NRG3: variants seen among roughly 807,000 people sequenced by gnomAD.
The protein encoded by NRG3 is neuregulin 3.
Under a neutral mutation model 66.9 loss-of-function variants are expected in NRG3, and 31 were observed. That is an observed-to-expected ratio of 0.46 (90% CI 0.35 to 0.63). The LOEUF (loss-of-function observed/expected upper bound fraction) is 0.63, where lower values mean the gene tolerates loss of function less well. NRG3 is among the 20% of genes least tolerant of loss of function. NRG3 has a pLI of 0.00. For missense variants in NRG3, 910 were observed against 878.9 expected, an observed-to-expected ratio of 1.04 and a Z score of -0.45; for synonymous variants, 393 against 359.4, an observed-to-expected ratio of 1.09 and a Z score of -1.06.
At chr10:82,214,565 A>G (rs1386031377) in intron 1 of NRG3, among the ~76,000 whole-genome samples, 1 of 152,140 alleles carries the variant, frequency 6.6e-6, no homozygotes. Flanking sequence ...CCTGGGCCCA[A>G]GTGATCCTCA....
chr10:82,462,462 A>G lies in NRG3; in HGVS notation c.953+103594A>G, dbSNP rs113799443. 5.2e-3 allele frequency among the ~76,000 whole-genome samples: 791 copies of G among 152,340 alleles called. 4 individuals carry two copies. Among genetic ancestry groups the G allele is most frequent in the Admixed American group, 0.011 (165 of 15,304 alleles). On this transcript the variant is annotated intron_variant, in intron 2 of 8. Transcript: ENST00000372141. ...TTCTGCAATAGATGTCATGGAGCCA[A>G]TAAAGGACTTCAGGCAGGGAAATGT... is the stretch of plus-strand genomic sequence containing the variant.
intron 2 of NRG3, among the ~76,000 whole-genome samples, chr10:82,715,269 A>G (rs2056906077): frequency 6.6e-6 from 1 of 152,170 alleles, no homozygotes; most frequent in Admixed American, 6.6e-5. Flanking sequence ...GTGATGGCAC[A>G]CGCCTGTAGT....
At chr10:82,459,850 G>T (rs1309274391) in intron 2 of NRG3, among the ~76,000 whole-genome samples, 1 of 152,160 alleles carries the variant, frequency 6.6e-6, no homozygotes, top group East Asian at 1.9e-4. Flanking sequence ...GTTCCAGTCA[G>T]AATATTTTTC....
At chr10:82,858,942 C>CTT (rs534067829) in intron 3 of NRG3, among the ~76,000 whole-genome samples, 5,952 of 123,986 alleles carry the variant, frequency 0.048, 421 homozygotes, top group African/African-American at 0.14. Context: ...AGTAGTCTAA[C>CTT]TTTTTTTTTT....
chr10:82,502,733 C>T (rs897697816), intron 2 of NRG3, among the ~76,000 whole-genome samples: 1 of 152,082 alleles, frequency 6.6e-6, no homozygotes, highest in African/African-American at 2.4e-5. Context: ...CCTTAAATCA[C>T]ACTAGTATGG....
intron 1 of NRG3, among the ~76,000 whole-genome samples, chr10:82,016,081 T>C (rs1379476067): frequency 1.3e-5 from 2 of 151,664 alleles, no homozygotes; most frequent in Non-Finnish European, 2.9e-5. Context: ...CTATTGTTAC[T>C]GTCAGCAGTG....
chr10:82,316,796 A>G (rs951128570), intron 1 of NRG3, among the ~76,000 whole-genome samples: 2 of 152,146 alleles, frequency 1.3e-5, no homozygotes. Flanking sequence ...TCCTAGGCCG[A>G]GCTGTAGGTT....
intron 2 of NRG3, among the ~76,000 whole-genome samples, chr10:82,618,996 CT>C (rs1378769369): frequency 2.0e-5 from 3 of 150,348 alleles, no homozygotes; most frequent in African/African-American, 7.3e-5. Context: ...ATCATGTATA[CT>C]TAGAAAAAAA....
intron 4 of NRG3, among the ~76,000 whole-genome samples, chr10:82,866,834 T>A (rs535862354): frequency 6.6e-6 from 1 of 152,254 alleles, no homozygotes; most frequent in East Asian, 1.9e-4. Flanking sequence ...TTCAAAGCAT[T>A]CCTATGAGTG....
At chr10:82,344,114 C>A (rs1239240376) in intron 1 of NRG3, among the ~76,000 whole-genome samples, 2 of 148,914 alleles carry the variant, frequency 1.3e-5, no homozygotes, top group Non-Finnish European at 3.0e-5. Flanking sequence ...GCACATTGTG[C>A]AGGTTAGTTA....
intron 2 of NRG3, among the ~76,000 whole-genome samples, chr10:82,623,850 T>C (rs892592980): frequency 6.6e-6 from 1 of 152,120 alleles, no homozygotes; most frequent in Non-Finnish European, 1.5e-5. Context: ...CTAGTCTAGA[T>C]TATTGCATTT....
At chr10:82,536,741 T>C (rs1847849119) in intron 2 of NRG3, among the ~76,000 whole-genome samples, 1 of 152,116 alleles carries the variant, frequency 6.6e-6, no homozygotes, top group Admixed American at 6.6e-5. Flanking sequence ...TCAGAGGGGA[T>C]TCATCAGGGT....
intron 2 of NRG3, among the ~76,000 whole-genome samples, chr10:82,409,346 T>A (rs2087869774): frequency 6.6e-6 from 1 of 152,176 alleles, no homozygotes; most frequent in Non-Finnish European, 1.5e-5. Flanking sequence ...ATTTGGATAA[T>A]GCTTGTGTAT....
intron 2 of NRG3, among the ~76,000 whole-genome samples, chr10:82,398,201 A>C (rs2086839156): frequency 6.6e-6 from 1 of 152,200 alleles, no homozygotes; most frequent in South Asian, 2.1e-4. Flanking sequence ...CAGACTCAGC[A>C]GCAGTAGTCC....
intron 4 of NRG3, among the ~76,000 whole-genome samples, chr10:82,949,204 C>A (rs1452920660): frequency 6.6e-6 from 1 of 151,568 alleles, no homozygotes; most frequent in Non-Finnish European, 1.5e-5. Flanking sequence ...AATATTAAAC[C>A]AACCTTGCAT....
chr10:82,864,825 G>T (rs933054287), intron 3 of NRG3, among the ~76,000 whole-genome samples: 8 of 152,186 alleles, frequency 5.3e-5, no homozygotes, highest in African/African-American at 1.9e-4. Flanking sequence ...TGCCCTGGAA[G>T]TGTCTCAGAT....
chr10:82,906,512 A>G (rs1211399434), intron 4 of NRG3, among the ~76,000 whole-genome samples: 2 of 152,214 alleles, frequency 1.3e-5, no homozygotes, highest in Admixed American at 6.5e-5. Flanking sequence ...ACAGTTTGAC[A>G]TAAATGTAGC....
intron 1 of NRG3, among the ~76,000 whole-genome samples, chr10:82,349,407 A>G (rs2083260072): frequency 6.6e-6 from 1 of 150,994 alleles, no homozygotes; most frequent in African/African-American, 2.4e-5. Context: ...CCACTTGAGG[A>G]GGCAGTCTGC....
chr10:81,893,325 G>A (rs955890994), intron 1 of NRG3, among the ~76,000 whole-genome samples: 3 of 152,084 alleles, frequency 2.0e-5, no homozygotes, highest in African/African-American at 7.2e-5. Context: ...ATGGTTCTGT[G>A]ATGATGTATA....
Sources: gnomAD v4.1 joint callset for allele counts (sites outside exome capture counted in the v4.1 genomes callset) on GRCh38, gnomAD v4.1.1 for gene constraint, MANE v1.5 for transcripts, NCBI Gene and HGNC (gene_info 2026-07-23, HGNC 2026-07-21) for gene names.